PDGFC: variants seen among roughly 807,000 people sequenced by gnomAD.
The protein encoded by PDGFC is platelet-derived growth factor C.
PDGFC carries 12 observed loss-of-function variants against 35.5 expected under a neutral mutation model. The observed-to-expected ratio is 0.34, with a 90% CI of 0.22 to 0.55. The LOEUF (loss-of-function observed/expected upper bound fraction) is 0.55. Ranked by LOEUF, PDGFC falls within the 20% of genes least tolerant of loss-of-function variation. The pLI, the probability that PDGFC is intolerant of heterozygous loss-of-function variation, is 0.91. For synonymous variants in PDGFC, 159 were observed against 148.8 expected, an observed-to-expected ratio of 1.07 and a Z score of -0.50; for missense variants, 322 against 412.4, an observed-to-expected ratio of 0.78 and a Z score of 1.90.
chr4:156,919,570 T>C (rs1033955946), intron 1 of PDGFC, among the ~76,000 whole-genome samples: 10 of 152,044 alleles, frequency 6.6e-5, no homozygotes, highest in African/African-American at 2.2e-4. Flanking sequence ...GCCTAACTGG[T>C]TTTTGTCCAG....
intron 1 of PDGFC, among the ~76,000 whole-genome samples, chr4:156,927,320 G>C (rs1731438512): frequency 2.0e-5 from 3 of 152,046 alleles, no homozygotes; most frequent in African/African-American, 7.2e-5. Context: ...GTTAACATCG[G>C]GCTGCTTGTT....
chr4:156,927,336 T>C (rs930559305), intron 1 of PDGFC, among the ~76,000 whole-genome samples: 6 of 152,204 alleles, frequency 3.9e-5, no homozygotes, highest in African/African-American at 7.2e-5. Context: ...TTGTTACTTA[T>C]GCAAATTTCT....
intron 2 of PDGFC, among the ~76,000 whole-genome samples, chr4:156,820,279 G>A (rs1459471674): frequency 1.3e-5 from 2 of 152,154 alleles, no homozygotes; most frequent in Non-Finnish European, 2.9e-5. Context: ...GTTCTACTGT[G>A]GGTAAAAGGC....
intron 1 of PDGFC, among the ~76,000 whole-genome samples, chr4:156,862,457 T>G (rs1197303519): frequency 6.6e-6 from 1 of 152,178 alleles, no homozygotes; most frequent in Admixed American, 6.6e-5. Flanking sequence ...ATTCTTCCAT[T>G]TTCTCAGTTT....
At chr4:156,891,483 A>G (rs929570032) in intron 1 of PDGFC, among the ~76,000 whole-genome samples, 6 of 152,170 alleles carry the variant, frequency 3.9e-5, no homozygotes, top group East Asian at 1.9e-4. Context: ...TCAGGAGATT[A>G]TAAGAACAGG....
chr4:156,903,301 A>G (rs1730838758), intron 1 of PDGFC, among the ~76,000 whole-genome samples: 1 of 152,090 alleles, frequency 6.6e-6, no homozygotes, highest in South Asian at 2.1e-4. Flanking sequence ...AAATGAACAA[A>G]TTAATAAAAT....
At chr4:156,871,008 T>C (rs1420954738) in intron 1 of PDGFC, among the ~76,000 whole-genome samples, 1 of 152,118 alleles carries the variant, frequency 6.6e-6, no homozygotes, top group Non-Finnish European at 1.5e-5. Flanking sequence ...GAGAAAATCC[T>C]ATGGGCAAAC....
At position 156,971,004 on chromosome 4, in the gene PDGFC, A is replaced by T. The variant is rs1732580022; in HGVS notation, c.-101T>A. The T allele has an allele frequency of 1.4e-6, 1 of 732,760 alleles. No individual in the cohort carries two copies. The allele number at this position is 732,760 out of a possible 1,614,324, so 45.4% of individuals were successfully genotyped here. The stretch of plus-strand genomic sequence containing the variant: ...CCAGGGGAAGGCTGCACTGGGGTGG[A>T]AGCGCCGAGCCTGCTCTGGCAGCAG... On this transcript the variant is annotated 5_prime_UTR_variant, in exon 1 of 6. Coordinates refer to ENST00000502773, the MANE Select transcript of PDGFC (RefSeq NM_016205.3).
intron 2 of PDGFC, among the ~76,000 whole-genome samples, chr4:156,841,185 C>T (rs973158154): frequency 4.6e-5 from 7 of 152,086 alleles, no homozygotes; most frequent in African/African-American, 1.7e-4. Flanking sequence ...GCTGTGTCCT[C>T]ACCCAAATCA....
At chr4:156,771,212 C>A (rs55685160) in intron 4 of PDGFC, among the ~76,000 whole-genome samples, 1 of 152,118 alleles carries the variant, frequency 6.6e-6, no homozygotes, top group Non-Finnish European at 1.5e-5. Flanking sequence ...GAGCACCAGG[C>A]GTACATTTTC....
At position 156,965,909 on chromosome 4, in the gene PDGFC, G is replaced by A. The variant is rs188467852; in HGVS notation, c.118+4877C>T. On this transcript the variant is annotated intron_variant, in intron 1 of 5. Transcript: ENST00000502773. ...AATCAGTACGGCAGGAACACTGATC[G>A]ATCAGGACAGAGGCCAGCAGGGTTG... Among the ~76,000 whole-genome samples, 639 of 152,230 alleles carry A rather than the reference G, an allele frequency of 4.2e-3. 4 individuals carry two copies. Among genetic ancestry groups the A allele is most frequent in the African/African-American group, 0.014 (589 of 41,540 alleles).
intron 1 of PDGFC, among the ~76,000 whole-genome samples, chr4:156,873,295 A>C (rs1203866097): frequency 6.6e-6 from 1 of 152,128 alleles, no homozygotes; most frequent in African/African-American, 2.4e-5. Context: ...GGTTTCAGGA[A>C]GAACAGTTTG....
Position 156,948,616 on chromosome 4 carries a change from T to C in PDGFC, c.118+22170A>G, listed in dbSNP as rs149846605. On this transcript the variant is annotated intron_variant, in intron 1 of 5. Coordinates refer to ENST00000502773, the MANE Select transcript of PDGFC (RefSeq NM_016205.3). ...GGAATTAGCACAGCATTGTTTCTAA[T>C]ATAGTAGTAATATAAGCTTACTATA... 4.6e-5 allele frequency among the ~76,000 whole-genome samples: 7 copies of C among 152,128 alleles called. No individual in the cohort carries two copies. In the East Asian group the frequency reaches 1.4e-3, roughly 30 times the overall value.
chr4:156,947,622 C>T (rs1731977750), intron 1 of PDGFC, among the ~76,000 whole-genome samples: 1 of 151,924 alleles, frequency 6.6e-6, no homozygotes, highest in African/African-American at 2.4e-5. Flanking sequence ...AAAACAACTG[C>T]CTTAGTTGAG....
chr4:156,791,029 T>TG (rs1384114844), intron 3 of PDGFC, among the ~76,000 whole-genome samples: 1 of 152,190 alleles, frequency 6.6e-6, no homozygotes, highest in Non-Finnish European at 1.5e-5. Flanking sequence ...AACATTCATA[T>TG]GGAGCTTAGG....
chr4:156,920,694 T>TAC (rs1485418422), intron 1 of PDGFC, among the ~76,000 whole-genome samples: 1 of 135,476 alleles, frequency 7.4e-6, no homozygotes, highest in Non-Finnish European at 1.6e-5. Flanking sequence ...CACACACATA[T>TAC]ACACACACTG....
chr4:156,946,951 G>C (rs1731963594), intron 1 of PDGFC, among the ~76,000 whole-genome samples: 2 of 151,996 alleles, frequency 1.3e-5, no homozygotes. Context: ...AAAAGAAGCA[G>C]GAGCAGAGAA....
intron 2 of PDGFC, among the ~76,000 whole-genome samples, chr4:156,822,323 C>T (rs1185677617): frequency 7.1e-6 from 1 of 140,164 alleles, no homozygotes; most frequent in Non-Finnish European, 1.5e-5. Flanking sequence ...TGCGCCACTG[C>T]ACTCCAGCCT....
intron 1 of PDGFC, among the ~76,000 whole-genome samples, chr4:156,959,607 A>T (rs1268313008): frequency 1.3e-5 from 2 of 152,040 alleles, no homozygotes; most frequent in Admixed American, 1.3e-4. Context: ...ACATTCCTAC[A>T]TACCAAAAGT....
Sources: allele counts gnomAD v4.1 joint callset (sites outside exome capture counted in the v4.1 genomes callset), GRCh38; gene constraint gnomAD v4.1.1; transcripts MANE v1.5; gene names NCBI Gene and HGNC (gene_info 2026-07-23, HGNC 2026-07-21).